DEPTOR: variants seen among roughly 807,000 people sequenced by gnomAD.
DEPTOR encodes the protein DEP domain-containing mTOR-interacting protein.
DEPTOR carries 41 observed loss-of-function variants against 41.6 expected under a neutral mutation model. That is an observed-to-expected ratio of 0.98 (90% CI 0.77 to 1.28). DEPTOR has a LOEUF of 1.28. Ranked by LOEUF, DEPTOR falls within the 50% of genes most tolerant of loss-of-function variation. The probability of loss-of-function intolerance (pLI) is 0.00; values close to 1 mark genes in which losing one functional copy is unlikely to be tolerated. For missense variants in DEPTOR, 514 were observed against 527.9 expected, an observed-to-expected ratio of 0.97 and a Z score of 0.26; for synonymous variants, 195 against 192.3, an observed-to-expected ratio of 1.01 and a Z score of -0.12.
At chr8:119,895,826 C>A (rs912112410) in intron 1 of DEPTOR, among the ~76,000 whole-genome samples, 1 of 152,160 alleles carries the variant, frequency 6.6e-6, no homozygotes, top group Non-Finnish European at 1.5e-5. Flanking sequence ...CAGGAAGAGG[C>A]ATACCATTAT....
At chr8:120,042,592 C>T (rs1813093826) in intron 8 of DEPTOR, among the ~76,000 whole-genome samples, 1 of 152,192 alleles carries the variant, frequency 6.6e-6, no homozygotes, top group South Asian at 2.1e-4. Context: ...TATCTCGGCT[C>T]ATTGCAACTT....
chr8:119,916,266 ATTTT>A lies in DEPTOR; in HGVS notation c.123-12101_123-12098del, dbSNP rs71304925. Among the ~76,000 whole-genome samples, 410 of 123,194 alleles carry A rather than the reference ATTTT, an allele frequency of 3.3e-3. 15 individuals carry two copies. The highest frequency in any genetic ancestry group is 0.012 in the African/African-American group (375 of 30,984). The allele number at this position is 123,194 out of a possible 152,430, so 80.8% of individuals were successfully genotyped here. A position where few individuals can be genotyped will look rare whatever the true frequency, so the allele number is the denominator to read the frequency against. Reference sequence around the variant, plus strand: ...AGGCACATGCCACCAGGCTAGGCTAATTTTTTTTTTTTTTTTTTTTTTTTTTTTT... The same window carrying A: ...AGGCACATGCCACCAGGCTAGGCTAATTTTTTTTTTTTTTTTTTTTTTTTT... On this transcript the variant is annotated intron_variant, in intron 1 of 8. Coordinates refer to ENST00000286234, the MANE Select transcript of DEPTOR (RefSeq NM_022783.4).
intron 8 of DEPTOR, among the ~76,000 whole-genome samples, chr8:120,037,617 A>G (rs964269159): frequency 3.3e-5 from 5 of 152,172 alleles, no homozygotes; most frequent in East Asian, 1.9e-4. Flanking sequence ...TCCAGGAGAC[A>G]CTAATCTTCA....
At chr8:119,930,244 T>C (rs1828024726) in intron 3 of DEPTOR, among the ~76,000 whole-genome samples, 1 of 152,198 alleles carries the variant, frequency 6.6e-6, no homozygotes, top group Admixed American at 6.5e-5. Flanking sequence ...CTTATTTTTA[T>C]TTTTTATTTT....
At chr8:119,960,485 T>A (rs901687032) in intron 3 of DEPTOR, among the ~76,000 whole-genome samples, 2 of 152,184 alleles carry the variant, frequency 1.3e-5, no homozygotes, top group Non-Finnish European at 2.9e-5. Context: ...CTAATCATTC[T>A]TCTAGGAAGA....
chr8:120,009,245 A>AT, intron 8 of DEPTOR, 112 bp downstream of exon 8: 1 of 880,890 alleles, frequency 1.1e-6, no homozygotes, highest in Non-Finnish European at 1.7e-6. Context: ...GTCCTTTTCT[A>AT]TTTCTGCCCT....
At chr8:119,926,067 T>C (rs1305898661) in intron 1 of DEPTOR, among the ~76,000 whole-genome samples, 2 of 152,256 alleles carry the variant, frequency 1.3e-5, no homozygotes, top group Admixed American at 6.5e-5. Flanking sequence ...GGTTTCTTTT[T>C]CTTTGTCTGG....
Position 120,049,658 on chromosome 8 carries a change from G to A in DEPTOR, c.1184G>A (p.Gly395Asp). The change falls in exon 9 of 9, where the codon GGC becomes GAC. Residue 395 changes from glycine (G) to aspartate (D), a missense_variant. Physicochemically the swap from Gly to Asp is moderately conservative, Grantham distance 94 (BLOSUM62 -1). Coordinates refer to ENST00000286234, the MANE Select transcript of DEPTOR (RefSeq NM_022783.4). ...YRTVSNLILT[G>D]PRTIVMEVME... Reference sequence around the variant, plus strand: ...ACCGTGAGCAATCTGATTCTGACGGGCCCACGGACGATTGTCATGGAAGTC... The same window carrying A: ...ACCGTGAGCAATCTGATTCTGACGGACCCACGGACGATTGTCATGGAAGTC... The A allele has an allele frequency of 1.2e-6, 2 of 1,614,028 alleles. No individual in the cohort carries two copies. Among genetic ancestry groups the A allele is most frequent in the Non-Finnish European group, 1.7e-6 (2 of 1,179,920 alleles).
rs1812586986 is a variant in DEPTOR, at chr8:120,014,923, AC to A, written c.1101+5791del. ...ATGATATAATCTTTTTTTTTTAATCACATCAAGTCTAAACCCATTTCTGGAC... is the reference window on the plus strand; with the variant it reads ...ATGATATAATCTTTTTTTTTTAATCAATCAAGTCTAAACCCATTTCTGGAC... On this transcript the variant is annotated intron_variant, in intron 8 of 8. Coordinates refer to ENST00000286234, the MANE Select transcript of DEPTOR (RefSeq NM_022783.4). Among the ~76,000 whole-genome samples, 7 of 149,708 alleles carry A rather than the reference AC, an allele frequency of 4.7e-5. No homozygotes were observed. In the South Asian group the frequency reaches 1.5e-3, roughly 32 times the overall value.
rs533299950 is a variant in DEPTOR, at chr8:119,945,126, A to G, written c.425+15188A>G. On this transcript the variant is annotated intron_variant, in intron 3 of 8. Coordinates refer to ENST00000286234, the MANE Select transcript of DEPTOR (RefSeq NM_022783.4). The stretch of plus-strand genomic sequence containing the variant: ...CCTCACACAACTTTGGTATACATAC[A>G]TAGCATATGCCCCATAAATGTTTGT... 8.9e-4 allele frequency among the ~76,000 whole-genome samples: 135 copies of G among 152,326 alleles called. 2 individuals carry two copies. The highest frequency in any genetic ancestry group is 3.4e-3 in the Middle Eastern group (1 of 294).
At chr8:119,957,594 C>CTT (rs529129631) in intron 3 of DEPTOR, among the ~76,000 whole-genome samples, 57 of 140,422 alleles carry the variant, frequency 4.1e-4, no homozygotes, top group African/African-American at 1.4e-3. Context: ...TTCTTTCTTT[C>CTT]TTTTTTTTTT....
chr8:119,887,127 T>TC (rs1563956948), intron 1 of DEPTOR, among the ~76,000 whole-genome samples: 5 of 5,802 alleles, frequency 8.6e-4, no homozygotes, highest in African/African-American at 1.5e-3. Flanking sequence ...CCCCCTCCCC[T>TC]CCCCCCCCCC....
chr8:119,977,303 A>G (rs76010603), intron 4 of DEPTOR, among the ~76,000 whole-genome samples: 4,652 of 152,072 alleles, frequency 0.031, 66 homozygotes, highest in Non-Finnish European at 0.036. Context: ...GCACATGACC[A>G]TGTCTCTGTT....
chr8:120,006,352 T>G (rs933007357), intron 6 of DEPTOR, among the ~76,000 whole-genome samples: 3 of 151,996 alleles, frequency 2.0e-5, no homozygotes, highest in Non-Finnish European at 4.4e-5. Flanking sequence ...GGTGAAACCC[T>G]GTCTCTATTA....
At chr8:119,901,094 A>G (rs111800389) in intron 1 of DEPTOR, among the ~76,000 whole-genome samples, 209 of 152,368 alleles carry the variant, frequency 1.4e-3, no homozygotes, top group Middle Eastern at 3.4e-3. Context: ...TTTGGAATCT[A>G]CATTGGGAGT....
At chr8:119,891,051 A>C (rs1009428305) in intron 1 of DEPTOR, 5 of 152,098 alleles carry the variant, frequency 3.3e-5, no homozygotes, top group African/African-American at 1.2e-4. Flanking sequence ...AGAGGGTTTG[A>C]TCAGAATTTC....
intron 8 of DEPTOR, among the ~76,000 whole-genome samples, chr8:120,023,148 TG>T (rs766914558): frequency 6.6e-6 from 1 of 152,208 alleles, no homozygotes; most frequent in Non-Finnish European, 1.5e-5. Context: ...ATAGAGACAG[TG>T]AGCTGTTTGG....
intron 3 of DEPTOR, among the ~76,000 whole-genome samples, chr8:119,951,056 AAT>A (rs763287470): frequency 0.027 from 3,810 of 142,078 alleles, 51 homozygotes; most frequent in Non-Finnish European, 0.036. Context: ...GACACTATCT[AAT>A]ATACACACAC....
At chr8:119,994,073 G>A (rs983817090) in intron 4 of DEPTOR, among the ~76,000 whole-genome samples, 2 of 151,596 alleles carry the variant, frequency 1.3e-5, no homozygotes, top group Admixed American at 6.6e-5. Flanking sequence ...GGAGGTGGAG[G>A]TTGCAGTAAT....
Sources: gnomAD v4.1 joint callset for allele counts (sites outside exome capture counted in the v4.1 genomes callset) on GRCh38, gnomAD v4.1.1 for gene constraint, MANE v1.5 for transcripts, NCBI Gene and HGNC (gene_info 2026-07-23, HGNC 2026-07-21) for gene names.